PTPRN2: variants seen among roughly 807,000 people sequenced by gnomAD.
PTPRN2 encodes the protein receptor-type tyrosine-protein phosphatase N2.
A neutral mutation model predicts 118.8 loss-of-function variants in PTPRN2; 74 were observed. That is an observed-to-expected ratio of 0.62 (90% CI 0.52 to 0.76). PTPRN2 has a LOEUF of 0.76. PTPRN2 is among the 30% of genes least tolerant of loss of function. PTPRN2 has a pLI of 0.00. For missense variants in PTPRN2, 1,481 were observed against 1,394.4 expected (o/e 1.06, Z -0.99); for synonymous variants, 641 against 608.0 (o/e 1.05, Z -0.80).
rs975413942 is a variant in PTPRN2 at position 157,676,476 on chromosome 7, C to T, written c.2001+6249G>A. On this transcript the variant is annotated intron_variant, in intron 13 of 22. Transcript: ENST00000389418. This position sits in a 1 kb window ranked among gnomAD's most constrained non-coding sequence, Gnocchi z 5.6. ...TCCTCATCTCCAAGAAATCATCAAC[C>T]GAGAAAAGAAAGGATGTCACCTTTT... Among the ~76,000 whole-genome samples the T allele has an allele frequency of 3.9e-5, 6 of 152,342 alleles. No individual in the cohort carries two copies. Among genetic ancestry groups the T allele is most frequent in the South Asian group, 2.1e-4 (1 of 4,828 alleles).
rs1348760523 is a variant in PTPRN2 at position 157,591,870 on chromosome 7, G to A, written c.2496+3368C>T. Among the ~76,000 whole-genome samples, 1 of 152,184 alleles carries A rather than the reference G, an allele frequency of 6.6e-6. No individual in the cohort carries two copies. The highest frequency in any genetic ancestry group is 2.4e-5 in the African/African-American group (1 of 41,428). ...CCCCAGGTTGAAGGATGACGTGGAA[G>A]CAATGACGTCGTGGTCAGGGACGTC... is the stretch of plus-strand genomic sequence containing the variant. On this transcript the variant is annotated intron_variant, in intron 17 of 22. Coordinates refer to ENST00000389418, the MANE Select transcript of PTPRN2 (RefSeq NM_002847.5). The surrounding 1 kb of genome is among the most constrained non-coding windows in gnomAD (Gnocchi z 4.4).
At chr7:157,577,831 A>G (rs1800136837) in intron 18 of PTPRN2, among the ~76,000 whole-genome samples, 190 bp downstream of exon 18, 1 of 151,758 alleles carries the variant, frequency 6.6e-6, no homozygotes, top group Non-Finnish European at 1.5e-5. Flanking sequence ...TCCCCTGAAC[A>G]TGGGGTGCGC....
intron 3 of PTPRN2, among the ~76,000 whole-genome samples, chr7:158,233,161 TATC>T (rs1205639544): frequency 9.2e-5 from 14 of 152,302 alleles, no homozygotes; most frequent in Middle Eastern, 3.4e-3. Flanking sequence ...ATCATGATCT[TATC>T]ATATTTATAA....
intron 3 of PTPRN2, among the ~76,000 whole-genome samples, chr7:158,288,648 T>A (rs1484469596): frequency 6.6e-6 from 1 of 152,188 alleles, no homozygotes; most frequent in Admixed American, 6.5e-5. Context: ...ATTTAAGAAA[T>A]TTCATAGCTA....
intron 3 of PTPRN2, among the ~76,000 whole-genome samples, chr7:158,287,511 G>T (rs1799842572): frequency 6.6e-6 from 1 of 151,930 alleles, no homozygotes; most frequent in Non-Finnish European, 1.5e-5. Flanking sequence ...GTTTTGGTAT[G>T]CTTTGTTTTT....
At chr7:158,173,743 A>AC (rs149521220) in intron 5 of PTPRN2, among the ~76,000 whole-genome samples, 3,135 of 152,166 alleles carry the variant, frequency 0.021, 99 homozygotes, top group African/African-American at 0.072. Context: ...TCATAGACCT[A>AC]CCCCTGGGAA....
chr7:158,135,204 C>T (rs919477994), intron 8 of PTPRN2, among the ~76,000 whole-genome samples: 1 of 152,136 alleles, frequency 6.6e-6, no homozygotes, highest in South Asian at 2.1e-4. Flanking sequence ...ACTCACTTTG[C>T]CAAAACACAC....
In PTPRN2 at chr7:157,881,163, C is replaced by T. The variant is rs1177598157; in HGVS notation, c.1788+17510G>A. ...GGGTATGTGGAGATGGAGGTGTTTACAGGAATCATTACGGTAAAATGAGGT... is the reference window on the plus strand; with the variant it reads ...GGGTATGTGGAGATGGAGGTGTTTATAGGAATCATTACGGTAAAATGAGGT... On this transcript the variant is annotated intron_variant, in intron 12 of 22. Transcript: ENST00000389418. The surrounding 1 kb of genome is among the most constrained non-coding windows in gnomAD (Gnocchi z 4.7). Among the ~76,000 whole-genome samples the T allele has an allele frequency of 6.7e-6, 1 of 150,134 alleles. No homozygotes were observed. Among genetic ancestry groups the T allele is most frequent in the Non-Finnish European group, 1.5e-5 (1 of 67,552 alleles).
intron 2 of PTPRN2, among the ~76,000 whole-genome samples, chr7:158,357,120 C>T (rs767999749): frequency 5.9e-5 from 9 of 152,234 alleles, no homozygotes; most frequent in Non-Finnish European, 1.2e-4. Flanking sequence ...AAATAGAAAC[C>T]AAGATTTGAG....
At chr7:158,433,976 CA>C (rs1225428390) in intron 2 of PTPRN2, among the ~76,000 whole-genome samples, 1 of 151,922 alleles carries the variant, frequency 6.6e-6, no homozygotes, top group Non-Finnish European at 1.5e-5. Flanking sequence ...GCTTAATTTC[CA>C]AACATTTAGA....
chr7:158,223,211 C>T (rs2150799132), intron 3 of PTPRN2, among the ~76,000 whole-genome samples: 1 of 152,182 alleles, frequency 6.6e-6, no homozygotes, highest in Non-Finnish European at 1.5e-5. Flanking sequence ...AATAATCAGG[C>T]CCAGATGGTT....
intron 12 of PTPRN2, among the ~76,000 whole-genome samples, chr7:157,688,413 G>C (rs1390287369): frequency 6.6e-6 from 1 of 152,200 alleles, no homozygotes; most frequent in East Asian, 1.9e-4. Flanking sequence ...GGGAGAGAGG[G>C]ACCCAGAGGC....
At chr7:158,374,906 C>G (rs925075797) in intron 2 of PTPRN2, among the ~76,000 whole-genome samples, 2 of 152,194 alleles carry the variant, frequency 1.3e-5, no homozygotes, top group African/African-American at 4.8e-5. Flanking sequence ...TTGAATACTT[C>G]AAGTCTACAG....
At chr7:157,850,574 A>G (rs902285184) in intron 12 of PTPRN2, among the ~76,000 whole-genome samples, 2 of 152,176 alleles carry the variant, frequency 1.3e-5, no homozygotes, top group Admixed American at 6.5e-5. Flanking sequence ...CAAATCCAGA[A>G]TTCTCCTTTC....
intron 2 of PTPRN2, among the ~76,000 whole-genome samples, chr7:158,477,299 A>G (rs1820345048): frequency 2.0e-5 from 3 of 152,238 alleles, no homozygotes; most frequent in South Asian, 4.1e-4. Flanking sequence ...GATTTTCTTC[A>G]TTAAGCACAT....
rs1563385956 is a variant in PTPRN2 at position 158,070,274 on chromosome 7, C to CCTG, written c.1723+11023_1723+11024insCAG. ...AGGTGCTCATGGTGATGGAGGTGCT[C>CCTG]ATGGTGGAGGTGCTCGTGGTGGTGG... On this transcript the variant is annotated intron_variant, in intron 11 of 22. Coordinates refer to ENST00000389418, the MANE Select transcript of PTPRN2 (RefSeq NM_002847.5). Among the ~76,000 whole-genome samples, 33 of 142,138 alleles carry CCTG rather than the reference C, an allele frequency of 2.3e-4. 1 individual carries two copies. The highest frequency in any genetic ancestry group is 6.4e-4 in the African/African-American group (21 of 32,792). 93.2% of individuals were successfully genotyped at this position (142,138 alleles called of 152,430 possible).
chr7:158,072,655 T>C (rs1443652691), intron 11 of PTPRN2, among the ~76,000 whole-genome samples: 4 of 152,110 alleles, frequency 2.6e-5, no homozygotes, highest in Admixed American at 2.0e-4. Context: ...AGTCCTGGTG[T>C]CAGGAGGAAC....
chr7:158,433,046 T>C (rs1401042806), intron 2 of PTPRN2, among the ~76,000 whole-genome samples: 1 of 152,238 alleles, frequency 6.6e-6, no homozygotes, highest in African/African-American at 2.4e-5. Flanking sequence ...GGAATCACAC[T>C]CTCTGCTCTC....
intron 3 of PTPRN2, among the ~76,000 whole-genome samples, chr7:158,229,292 G>A (rs1829017555): frequency 6.6e-6 from 1 of 152,012 alleles, no homozygotes; most frequent in Non-Finnish European, 1.5e-5. Context: ...AACAAGCCAG[G>A]AGACAAGACT....
Sources: allele counts gnomAD v4.1 joint callset (sites outside exome capture counted in the v4.1 genomes callset), GRCh38; gene constraint gnomAD v4.1.1; non-coding constraint Gnocchi (gnomAD v3.1); transcripts MANE v1.5; gene names NCBI Gene and HGNC (gene_info 2026-07-23, HGNC 2026-07-21).